Variants in ACYP2 observed in about 807,000 individuals in gnomAD.
ACYP2 encodes the protein acylphosphatase-2.
In ACYP2, 12 loss-of-function variants were observed where a neutral mutation model predicts 11.2. The ratio of observed to expected loss-of-function variants is 1.08; its 90% CI spans 0.69 to 1.74. The LOEUF is 1.74. ACYP2 is among the 40% of genes most tolerant of loss of function. The pLI is 0.00. For synonymous variants in ACYP2, 43 were observed against 32.2 expected (o/e 1.33, Z -1.13); for missense variants, 134 against 101.9 (o/e 1.31, Z -1.35).
chr2:54,084,900 A>G (rs570907698), intron 4 of ACYP2: 1 of 152,346 alleles, frequency 6.6e-6, no homozygotes, highest in African/African-American at 2.4e-5. Context: ...ACCGTATAGT[A>G]GATGATAATA....
At chr2:54,249,540 C>T (rs1256723248) in intron 6 of ACYP2, among the ~76,000 whole-genome samples, 1 of 151,822 alleles carries the variant, frequency 6.6e-6, no homozygotes, top group Non-Finnish European at 1.5e-5. Context: ...ACTCAGAAAG[C>T]GTTTAAAGAA....
At chr2:54,208,703 GAC>G (rs1491364603) in intron 6 of ACYP2, among the ~76,000 whole-genome samples, 6 of 105,442 alleles carry the variant, frequency 5.7e-5, no homozygotes, top group African/African-American at 2.2e-4. Context: ...AAAAAAGGGA[GAC>G]TTTTTTTTTT....
chr2:54,086,274 G>A (rs537343268), intron 4 of ACYP2, among the ~76,000 whole-genome samples: 6 of 152,248 alleles, frequency 3.9e-5, no homozygotes, highest in Non-Finnish European at 8.8e-5. Context: ...TGCAGAACTG[G>A]AAGGCTAACA....
At chr2:54,185,321 T>C (rs1210273089) in intron 6 of ACYP2, among the ~76,000 whole-genome samples, 1 of 152,186 alleles carries the variant, frequency 6.6e-6, no homozygotes, top group East Asian at 1.9e-4. Flanking sequence ...CTGGCAGCCA[T>C]TCTATGCCCA....
chr2:54,046,353 C>T (rs1189386447), intron 2 of ACYP2, among the ~76,000 whole-genome samples: 1 of 151,806 alleles, frequency 6.6e-6, no homozygotes, highest in Admixed American at 6.6e-5. Context: ...ATGGAACACA[C>T]TTGTAATCCC....
intron 4 of ACYP2, among the ~76,000 whole-genome samples, chr2:54,085,967 CAG>C (rs533138305): frequency 8.3e-4 from 127 of 152,132 alleles, no homozygotes; most frequent in African/African-American, 2.8e-3. Flanking sequence ...TTTTTTGAGA[CAG>C]AGTCTCACTC....
At chr2:54,115,557 A>G (rs1679701290) in intron 4 of ACYP2, 58 bp from the exon 1 acceptor site, 1 of 1,522,888 alleles carries the variant, frequency 6.6e-7, no homozygotes, top group African/African-American at 1.4e-5. Flanking sequence ...CCGACGCGTG[A>G]CCCCGGCGCG....
At chr2:54,143,107 T>C (rs1310297588) in intron 6 of ACYP2, 1 of 152,238 alleles carries the variant, frequency 6.6e-6, no homozygotes, top group Non-Finnish European at 1.5e-5. Context: ...GTTATGCAAT[T>C]AGTAAAAATG....
chr2:54,001,613 C>G (rs1455013566), intron 2 of ACYP2, among the ~76,000 whole-genome samples: 1 of 152,104 alleles, frequency 6.6e-6, no homozygotes, highest in Non-Finnish European at 1.5e-5. Context: ...TCACTGGTCT[C>G]GAACTTCTGA....
At chr2:54,276,645 A>G (rs1688594942) in intron 6 of ACYP2, among the ~76,000 whole-genome samples, 1 of 111,300 alleles carries the variant, frequency 9.0e-6, no homozygotes, top group South Asian at 2.7e-4. Context: ...ACACACACAC[A>G]CACACACACA....
intron 6 of ACYP2, among the ~76,000 whole-genome samples, chr2:54,151,425 G>C (rs1682166143): frequency 6.6e-6 from 1 of 152,152 alleles, no homozygotes; most frequent in Non-Finnish European, 1.5e-5. Flanking sequence ...AGTATTTCAA[G>C]GTACTTTGCT....
chr2:54,036,150 G>A (rs953312425), intron 2 of ACYP2, among the ~76,000 whole-genome samples: 5 of 152,024 alleles, frequency 3.3e-5, no homozygotes, highest in Non-Finnish European at 7.4e-5. Context: ...ACTGGAGTGC[G>A]GTGGCATGAT....
At chr2:54,194,662 T>G (rs922860955) in intron 6 of ACYP2, among the ~76,000 whole-genome samples, 1 of 152,166 alleles carries the variant, frequency 6.6e-6, no homozygotes, top group African/African-American at 2.4e-5. Flanking sequence ...TTTTGTTCTT[T>G]TTTTCTCTTT....
At chr2:54,042,920 C>T (rs909282764) in intron 2 of ACYP2, among the ~76,000 whole-genome samples, 1 of 152,220 alleles carries the variant, frequency 6.6e-6, no homozygotes, top group African/African-American at 2.4e-5. Context: ...CCACCATTTC[C>T]ACCTCCCTAT....
At chr2:54,018,235 C>T (rs896246292) in intron 2 of ACYP2, among the ~76,000 whole-genome samples, 1 of 152,160 alleles carries the variant, frequency 6.6e-6, no homozygotes, top group African/African-American at 2.4e-5. Flanking sequence ...GCCCCTCCCC[C>T]AGAGTTGCTG....
intron 2 of ACYP2, among the ~76,000 whole-genome samples, chr2:53,982,828 C>CTGTGTGTGTGTGTGTG (rs3066946): frequency 8.0e-4 from 112 of 140,610 alleles, no homozygotes; most frequent in Non-Finnish European, 1.1e-3. Flanking sequence ...TCACACAAGA[C>CTGTGTGTGTGTGTGTG]TGTGTGTGTG....
intron 2 of ACYP2, among the ~76,000 whole-genome samples, chr2:53,981,980 G>GTT (rs1323483881): frequency 6.6e-6 from 1 of 152,104 alleles, no homozygotes; most frequent in Admixed American, 6.5e-5. Context: ...AGCTTTTCGT[G>GTT]TTTCTTCTTT....
At chr2:54,032,049 G>A (rs1238865501) in intron 2 of ACYP2, among the ~76,000 whole-genome samples, 1 of 152,054 alleles carries the variant, frequency 6.6e-6, no homozygotes, top group African/African-American at 2.4e-5. Context: ...TGAGTAGATT[G>A]CAAAAATTTT....
At chr2:54,168,174 C>T (rs1683078131) in intron 6 of ACYP2, among the ~76,000 whole-genome samples, 1 of 152,160 alleles carries the variant, frequency 6.6e-6, no homozygotes, top group African/African-American at 2.4e-5. Flanking sequence ...CCTGTAATCC[C>T]AGCACTTTGG....
Sources: gnomAD v4.1 joint callset for allele counts (sites outside exome capture counted in the v4.1 genomes callset) on GRCh38, gnomAD v4.1.1 for gene constraint, MANE v1.5 for transcripts, NCBI Gene and HGNC (gene_info 2026-07-23, HGNC 2026-07-21) for gene names.